The following NIBAN3 variants were observed in gnomAD, a reference collection of about 807,000 sequenced individuals.
NIBAN3 encodes protein Niban 3.
Under a neutral mutation model 76.4 loss-of-function variants are expected in NIBAN3, and 66 were observed. That is an observed-to-expected ratio of 0.86 (90% CI 0.71 to 1.06). The LOEUF is 1.06. Among genes scored for constraint, NIBAN3 ranks in the 50% least tolerant of loss-of-function variants. The pLI is 0.00. For synonymous variants in NIBAN3, 360 were observed against 355.2 expected, an observed-to-expected ratio of 1.01 and a Z score of -0.15; for missense variants, 808 against 810.7, an observed-to-expected ratio of 1.00 and a Z score of 0.04.
In NIBAN3 at chr19:17,543,505, C is replaced by T. The variant is rs370587823; in HGVS notation, c.1447-19C>T. ...GTGCTCAGATGGTTGCTGGACGCAC[C>T]GCTGGGTGTGTTGTGCAGAAATTCA... On this transcript the variant is annotated intron_variant, in intron 11 of 14. Coordinates refer to ENST00000599164, the MANE Select transcript of NIBAN3 (RefSeq NM_001321827.2). 66 of 1,612,994 alleles carry T rather than the reference C, an allele frequency of 4.1e-5. No homozygotes were observed. Among genetic ancestry groups the T allele is most frequent in the Middle Eastern group, 3.3e-4 (2 of 6,084 alleles).
Position 17,533,609 on chromosome 19 carries a change from G to T in NIBAN3, c.335G>T (p.Cys112Phe). 1 of 1,614,072 alleles carries T rather than the reference G, an allele frequency of 6.2e-7. No individual in the cohort carries two copies. Among genetic ancestry groups the T allele is most frequent in the African/African-American group, 1.3e-5 (1 of 75,028 alleles). Residue 112 changes from cysteine to phenylalanine, a missense_variant, in exon 4 of 15, where the codon TGC becomes TTC. Cys to Phe is a radical substitution (Grantham distance 205). Transcript: ENST00000599164. ...HKEEYENGGHCLGSTALTGYT... is the reference protein window; with the variant it reads ...HKEEYENGGHFLGSTALTGYT... ...TAGGAATATGAAAACGGGGGCCACT[G>T]CCTTGGCTCAACAGCCCTGACAGGA...
intron 1 of NIBAN3, among the ~76,000 whole-genome samples, chr19:17,528,826 C>G (rs2075658931): frequency 6.6e-6 from 1 of 151,916 alleles, no homozygotes. Flanking sequence ...TTCCATGCAG[C>G]AGCATGGAAG....
chr19:17,540,255 A>G (rs2144730689), intron 8 of NIBAN3, 137 bp from the exon 9 acceptor site: 1 of 578,390 alleles, frequency 1.7e-6, no homozygotes, highest in East Asian at 3.5e-5. Flanking sequence ...TCCGAGGCTC[A>G]GTTTTCTCAT....
intron 8 of NIBAN3, 85 bp from the exon 9 acceptor site, chr19:17,540,307 C>A: frequency 2.0e-6 from 2 of 996,354 alleles, no homozygotes; most frequent in Non-Finnish European, 2.7e-6. Context: ...TCCCTGCTCG[C>A]GTCCCCCTCG....
upstream of NIBAN3, chr19:17,527,143 A>T: frequency 2.1e-6 from 3 of 1,429,628 alleles, no homozygotes; most frequent in East Asian, 7.6e-5. Flanking sequence ...CGCAGCCTCT[A>T]CAGAAACCAC....
At chr19:17,540,890 A>C (rs2075937929) in intron 9 of NIBAN3, among the ~76,000 whole-genome samples, 1 of 152,132 alleles carries the variant, frequency 6.6e-6, no homozygotes, top group South Asian at 2.1e-4. Context: ...CACGCCACCA[A>C]GCCCAGCTAA....
At chr19:17,540,231 A>C in intron 8 of NIBAN3, 161 bp from the exon 9 acceptor site, 1 of 488,068 alleles carries the variant, frequency 2.0e-6, no homozygotes, top group Non-Finnish European at 3.5e-6. Flanking sequence ...GGGAATCCTG[A>C]CTGGGCCCGC....
chr19:17,539,580 C>T (rs1301465961), intron 7 of NIBAN3, 23 bp from the exon 8 acceptor site: 4 of 1,512,010 alleles, frequency 2.6e-6, no homozygotes, highest in African/African-American at 1.4e-5. Context: ...TCGGCTTTGT[C>T]CCCCCTCGAC....
In NIBAN3 at chr19:17,552,481, G is replaced by C. The variant is rs2076172068; in HGVS notation, c.*583G>C. ...AATCCTCCTGCCTTGGCCTCCCAAAGTGCTAGGATTATAGGAGTGATCCAC... is the reference window on the plus strand; with the variant it reads ...AATCCTCCTGCCTTGGCCTCCCAAACTGCTAGGATTATAGGAGTGATCCAC... On this transcript the variant is annotated 3_prime_UTR_variant, in exon 15 of 15. Transcript: ENST00000599164. 6.6e-6 allele frequency: 1 copy of C among 152,032 alleles called. No homozygotes were observed. Among genetic ancestry groups the C allele is most frequent in the Admixed American group, 6.6e-5 (1 of 15,230 alleles). The allele number at this position is 152,032 out of a possible 1,614,324, so 9.4% of individuals were successfully genotyped here.
At chr19:17,550,131 T>A (rs2076131120) in intron 14 of NIBAN3, among the ~76,000 whole-genome samples, 1 of 152,076 alleles carries the variant, frequency 6.6e-6, no homozygotes, top group Non-Finnish European at 1.5e-5. Flanking sequence ...TTGTATCCCA[T>A]CTCTAATCCT....
At chr19:17,527,135 C>T, upstream of NIBAN3, 1 of 1,344,324 alleles carries the variant, frequency 7.4e-7, no homozygotes, top group African/African-American at 1.5e-5. Context: ...GCTGTCCCCG[C>T]AGCCTCTACA....
chr19:17,538,915 G>A (rs752026591), intron 5 of NIBAN3, among the ~76,000 whole-genome samples: 4 of 152,234 alleles, frequency 2.6e-5, no homozygotes, highest in Non-Finnish European at 5.9e-5. Flanking sequence ...AGTATGTATG[G>A]CCTGAACTGC....
chr19:17,529,157 A>C (rs2075664738), intron 1 of NIBAN3, among the ~76,000 whole-genome samples: 1 of 152,128 alleles, frequency 6.6e-6, no homozygotes, highest in South Asian at 2.1e-4. Context: ...CCTGGGCTTC[A>C]TTCTCTTATA....
Position 17,553,323 on chromosome 19 carries a change from T to C in NIBAN3, c.*1425T>C. 3 of 1,613,616 alleles carry C rather than the reference T, an allele frequency of 1.9e-6. No homozygotes were observed. The highest frequency in any genetic ancestry group is 2.5e-6 in the Non-Finnish European group (3 of 1,179,610). On this transcript the variant is annotated 3_prime_UTR_variant, in exon 15 of 15. Transcript: ENST00000599164. ...GGGTTTGTTTCCTAGCTCCAAATCT[T>C]AACTTGGTGTCAAGTTTCCTGGCTG...
chr19:17,529,246 A>G (rs944788407), intron 1 of NIBAN3, among the ~76,000 whole-genome samples: 2 of 152,084 alleles, frequency 1.3e-5, no homozygotes, highest in African/African-American at 4.8e-5. Context: ...TACTCTATGT[A>G]GCACTGGGAT....
intron 12 of NIBAN3, among the ~76,000 whole-genome samples, chr19:17,544,956 G>T (rs2076022253): frequency 6.6e-6 from 1 of 152,062 alleles, no homozygotes. Flanking sequence ...GGTGGCACAT[G>T]CCTGTAATAG....
At position 17,531,373 on chromosome 19, in the gene NIBAN3, A is replaced by AAC. The variant is rs3051641; in HGVS notation, c.186+489_186+490dup. Among the ~76,000 whole-genome samples, 9 of 132,714 alleles carry AAC rather than the reference A, an allele frequency of 6.8e-5. No homozygotes were observed. In the East Asian group the frequency reaches 1.3e-3, roughly 19 times the overall value. The allele number at this position is 132,714 out of a possible 152,430, so 87.1% of individuals were successfully genotyped here. On this transcript the variant is annotated intron_variant, in intron 2 of 14. Transcript: ENST00000599164. ...CACACACACACACACACACACACAC[A>AAC]ACCATTCACTGAGCATGTAATTCAT...
At chr19:17,543,991 CAAA>C (rs11313110) in intron 12 of NIBAN3, 91 of 64,364 alleles carry the variant, frequency 1.4e-3, no homozygotes, top group South Asian at 5.9e-3. Flanking sequence ...AACTCAGTCT[CAAA>C]AAAAAAAAAA....
Position 17,540,402 on chromosome 19 carries a change from G to A in NIBAN3, c.990G>A (p.Arg330=), listed in dbSNP as rs1259004855. 1 of 1,497,568 alleles carries A rather than the reference G, an allele frequency of 6.7e-7. No individual in the cohort carries two copies. The highest frequency in any genetic ancestry group is 8.9e-7 in the Non-Finnish European group (1 of 1,119,552). 92.8% of individuals were successfully genotyped at this position (1,497,568 alleles called of 1,614,324 possible). The part of the protein sequence containing the change: ...RVAGRLRTDI[R]GPLESCLRRE... ...GTCTTCCACTCCCAGCGGATATCAG[G>A]GGACCGCTCGAGTCGTGCCTGCGCC... The change falls in exon 9 of 15, where the codon AGG becomes AGA. Residue 330 remains arginine, a synonymous_variant. Transcript: ENST00000599164.
Sources: allele counts gnomAD v4.1 joint callset (sites outside exome capture counted in the v4.1 genomes callset), GRCh38; gene constraint gnomAD v4.1.1; transcripts MANE v1.5; gene names NCBI Gene and HGNC (gene_info 2026-07-23, HGNC 2026-07-21).